Variants in AP5Z1 observed in about 807,000 individuals in gnomAD.
AP5Z1 encodes the protein adaptor related protein complex 5 subunit zeta 1, also known as AP-5 complex subunit zeta-1.
A neutral mutation model predicts 83.0 loss-of-function variants in AP5Z1; 106 were observed. The observed-to-expected ratio is 1.28, with a 90% CI of 1.09 to 1.50. The LOEUF is 1.50. AP5Z1 is among the 40% of genes most tolerant of loss of function. AP5Z1 has a pLI of 0.00. For synonymous variants in AP5Z1, 751 were observed against 514.1 expected (o/e 1.46, Z -6.23); for missense variants, 1,565 against 1,094.2 (o/e 1.43, Z -6.07).
chr7:4,775,979 G>C (rs999558052), intron 1 of AP5Z1, among the ~76,000 whole-genome samples: 1 of 152,218 alleles, frequency 6.6e-6, no homozygotes, highest in Admixed American at 6.5e-5. Flanking sequence ...CACTTGAGCA[G>C]AGTCTTGGTG....
rs377303670 is a variant in AP5Z1, at chr7:4,785,418, C to T, written c.935C>T (p.Ala312Val). The T allele has an allele frequency of 6.8e-6, 11 of 1,613,196 alleles. No individual in the cohort carries two copies. Among genetic ancestry groups the T allele is most frequent in the Non-Finnish European group, 8.5e-6 (10 of 1,179,574 alleles). The stretch of plus-strand genomic sequence containing the variant: ...TGACTTTTTCCCCTCCTTCCAGGAG[C>T]CCTGAGGAAGGGGGACTCCGACCTG... ...QRLIEQSNRRALRKGDSDLQK... is the reference protein window; with the variant it reads ...QRLIEQSNRRVLRKGDSDLQK... The change falls in exon 8 of 17, where the codon GCC becomes GTC. Residue 312 changes from alanine (A) to valine (V), a missense_variant. By Grantham distance (64) the Ala-to-Val change is moderately conservative. Coordinates refer to ENST00000649063, the MANE Select transcript of AP5Z1 (RefSeq NM_014855.3).
At chr7:4,790,051 C>G in intron 14 of AP5Z1, 122 bp downstream of exon 14, 6 of 1,190,986 alleles carry the variant, frequency 5.0e-6, no homozygotes, top group Non-Finnish European at 6.9e-6. Context: ...CCTCAGCAGC[C>G]TCAGACCCTG....
In AP5Z1 at chr7:4,791,132, C is replaced by G. The variant is rs1247432933; in HGVS notation, c.2171C>G (p.Ser724Ter). 1.9e-6 allele frequency: 3 copies of G among 1,602,310 alleles called. No individual in the cohort carries two copies. Among genetic ancestry groups the G allele is most frequent in the South Asian group, 2.2e-5 (2 of 89,824 alleles). ...TTCCCCAGGGCCTCTTTATTGCTGT[C>G]AAAGATGAGGACCCTGGCTCACAGT... ...DLIPRASLLL[S>*]KMRTLAHSPA... The change falls in exon 17 of 17, where the codon TCA becomes TGA. Residue 724 changes from serine to a stop codon, truncating the protein, a stop_gained. Coordinates refer to ENST00000649063, the MANE Select transcript of AP5Z1 (RefSeq NM_014855.3). LOFTEE classifies it low-confidence loss of function (END_TRUNC).
chr7:4,790,050 C>T, intron 14 of AP5Z1, 121 bp downstream of exon 14: 1 of 1,178,808 alleles, frequency 8.5e-7, no homozygotes, highest in South Asian at 1.6e-5. Flanking sequence ...CCCTCAGCAG[C>T]CTCAGACCCT....
In AP5Z1 at chr7:4,791,439, G is replaced by A; in HGVS notation, c.*54G>A. 1 of 1,532,284 alleles carries A rather than the reference G, an allele frequency of 6.5e-7. No homozygotes were observed. Among genetic ancestry groups the A allele is most frequent in the African/African-American group, 1.4e-5 (1 of 73,350 alleles). The allele number at this position is 1,532,284 out of a possible 1,614,324, so 94.9% of individuals were successfully genotyped here. On this transcript the variant is annotated 3_prime_UTR_variant, in exon 17 of 17. Transcript: ENST00000649063. ...GATTAAGAGCCTGGGCAGCCAGCTT[G>A]CTACTGAGGCCAGGCTGATAGGAGC...
chr7:4,778,418 G>C (rs1332849590), intron 1 of AP5Z1, among the ~76,000 whole-genome samples: 2 of 152,176 alleles, frequency 1.3e-5, no homozygotes, highest in Non-Finnish European at 2.9e-5. Flanking sequence ...AGGAGGAAGA[G>C]CCTCAGCCCA....
chr7:4,790,333 T>G (rs1315308331), intron 14 of AP5Z1, 126 bp from the exon 15 acceptor site: 1 of 1,556,994 alleles, frequency 6.4e-7, no homozygotes, highest in Admixed American at 1.9e-5. Context: ...TCTGTGTTCC[T>G]CTATCGGAGG....
intron 15 of AP5Z1, 26 bp from the exon 16 acceptor site, chr7:4,790,647 G>A: frequency 6.2e-7 from 1 of 1,612,218 alleles, no homozygotes; most frequent in Non-Finnish European, 8.5e-7. Flanking sequence ...CCTGGGTGGG[G>A]GCTGAATCTC....
chr7:4,784,964 G>C lies in AP5Z1; in HGVS notation c.847G>C (p.Ala283Pro), dbSNP rs753059791. The change falls in exon 7 of 17, where the codon GCC becomes CCC. Residue 283 changes from alanine (A) to proline (P), a missense_variant. Physicochemically the swap from Ala to Pro is conservative, Grantham distance 27 (BLOSUM62 -1). Transcript: ENST00000649063. ...GTCGGTGATCTCCGCCACCTCCTCT[G>C]CCGGCCGCCTGCTGCCGCCCCGGGA... Reference protein sequence around the residue: ...TLSVISATSSAGRLLPPRERL... With the variant: ...TLSVISATSSPGRLLPPRERL... 6.2e-7 allele frequency: 1 copy of C among 1,612,086 alleles called. No individual in the cohort carries two copies. Among genetic ancestry groups the C allele is most frequent in the East Asian group, 2.2e-5 (1 of 44,846 alleles).
At chr7:4,776,793 C>T (rs757150080) in intron 1 of AP5Z1, among the ~76,000 whole-genome samples, 8 of 151,942 alleles carry the variant, frequency 5.3e-5, no homozygotes, top group Admixed American at 2.0e-4. Context: ...CCTTGGTAAA[C>T]GTAAACAAAC....
At position 4,789,930 on chromosome 7, in the gene AP5Z1, G is replaced by A; in HGVS notation, c.1805+1G>A. On this transcript the variant is annotated splice_donor_variant, in intron 14 of 16. Transcript: ENST00000649063. LOFTEE classifies it high-confidence loss of function. ...CAGGGTACGCTGCCGGTGTGCACAG[G>A]TAGGTCCCTCCTGCGCTCCTGCCAC... 1.3e-6 allele frequency: 2 copies of A among 1,536,946 alleles called. No individual in the cohort carries two copies. The highest frequency in any genetic ancestry group is 1.8e-6 in the Non-Finnish European group (2 of 1,138,544).
At chr7:4,785,092 C>T (rs892870907) in intron 7 of AP5Z1, 44 bp downstream of exon 7, 2 of 1,550,474 alleles carry the variant, frequency 1.3e-6, no homozygotes, top group Admixed American at 1.8e-5. Flanking sequence ...GGGCTCGACG[C>T]ACCTGCTCTG....
At position 4,792,623 on chromosome 7, in the gene AP5Z1, C is replaced by G. The variant is rs1330693268; in HGVS notation, c.*1238C>G. On this transcript the variant is annotated 3_prime_UTR_variant, in exon 17 of 17. Transcript: ENST00000649063. ...GCCCCACAGCCTGGGCCTTGGGTCG[C>G]GTTCCGAGCTCCAGGACGGCTGGTG... 6.6e-6 allele frequency: 1 copy of G among 152,206 alleles called. No homozygotes were observed. Among genetic ancestry groups the G allele is most frequent in the Non-Finnish European group, 1.5e-5 (1 of 68,036 alleles). The allele number at this position is 152,206 out of a possible 1,614,324, so 9.4% of individuals were successfully genotyped here.
Position 4,775,642 on chromosome 7 carries a change from A to G in AP5Z1, c.-74A>G, listed in dbSNP as rs907353752. 6 of 1,588,854 alleles carry G rather than the reference A, an allele frequency of 3.8e-6. No homozygotes were observed. In the African/African-American group the frequency reaches 5.4e-5, roughly 14 times the overall value. On this transcript the variant is annotated 5_prime_UTR_variant, in exon 1 of 17. Transcript: ENST00000649063. ...TCACGTGACGCGGTCCCGGAAGTTG[A>G]CCGGGGTGCGGAGCTCCTGGGCTGC...
At chr7:4,788,111 A>G (rs1202859404) in intron 11 of AP5Z1, 43 bp from the exon 12 acceptor site, 1 of 1,484,836 alleles carries the variant, frequency 6.7e-7, no homozygotes, top group East Asian at 2.5e-5. Context: ...CCTTGAGTGC[A>G]GGGGCCGCAT....
intron 14 of AP5Z1, chr7:4,790,252 C>CCTGG (rs1562414081): frequency 1.3e-6 from 2 of 1,546,040 alleles, no homozygotes; most frequent in Admixed American, 1.9e-5. Context: ...CCACTCTGAG[C>CCTGG]CTGGGCCTGA....
At position 4,792,064 on chromosome 7, in the gene AP5Z1, A is replaced by G. The variant is rs1781794589; in HGVS notation, c.*679A>G. On this transcript the variant is annotated 3_prime_UTR_variant, in exon 17 of 17. Transcript: ENST00000649063. ...CCTATGCAGGCTGCGGCCTCTGGCC[A>G]TTCGGAGGGAAGGCCCCAGGGAGCC... 3 of 152,384 alleles carry G rather than the reference A, an allele frequency of 2.0e-5. No individual in the cohort carries two copies. The highest frequency in any genetic ancestry group is 7.2e-5 in the African/African-American group (3 of 41,570). The allele number at this position is 152,384 out of a possible 1,614,324, so 9.4% of individuals were successfully genotyped here.
At chr7:4,781,996 CAG>C (rs1169071433) in intron 3 of AP5Z1, among the ~76,000 whole-genome samples, 8 of 152,172 alleles carry the variant, frequency 5.3e-5, no homozygotes, top group Non-Finnish European at 7.3e-5. Context: ...GTTTCTCAGA[CAG>C]AGCCTTGAGA....
intron 12 of AP5Z1, 77 bp downstream of exon 12, chr7:4,788,371 T>C: frequency 6.8e-7 from 1 of 1,472,848 alleles, no homozygotes; most frequent in East Asian, 2.5e-5. Flanking sequence ...GGCTCACTGC[T>C]CAGCCCTAGG....
Sources: gnomAD v4.1 joint callset for allele counts (sites outside exome capture counted in the v4.1 genomes callset) on GRCh38, gnomAD v4.1.1 for gene constraint, MANE v1.5 for transcripts, NCBI Gene and HGNC (gene_info 2026-07-23, HGNC 2026-07-21) for gene names.